FHOD1: variants seen among roughly 807,000 people sequenced by gnomAD.
FHOD1 encodes FH1/FH2 domain-containing protein 1.
Under a neutral mutation model 111.6 loss-of-function variants are expected in FHOD1, and 89 were observed. That is an observed-to-expected ratio of 0.80 (90% CI 0.67 to 0.95). The LOEUF is 0.95. Among genes scored for constraint, FHOD1 ranks in the 40% least tolerant of loss-of-function variants. The pLI is 0.00. For synonymous variants in FHOD1, 618 were observed against 639.0 expected, an observed-to-expected ratio of 0.97 and a Z score of 0.50; for missense variants, 1,446 against 1,554.2, an observed-to-expected ratio of 0.93 and a Z score of 1.17.
At position 67,247,009 on chromosome 16, in the gene FHOD1, T is replaced by C. The variant is rs575742997; in HGVS notation, c.201+201A>G. On this transcript the variant is annotated intron_variant, in intron 1 of 21. Transcript: ENST00000258201. ...AGTCAGAATGGCGGAGCCAAGTTCC[T>C]GGCACCCCTCTTCAGTTTCCCCTCA... 4.7e-5 allele frequency: 28 copies of C among 596,324 alleles called. No homozygotes were observed. The East Asian group carries it at 9.1e-4, about 19-fold the overall frequency. The allele number at this position is 596,324 out of a possible 1,614,324, so 36.9% of individuals were successfully genotyped here. A position where few individuals can be genotyped will look rare whatever the true frequency, so the allele number is the denominator to read the frequency against.
rs1479495823 is a variant in FHOD1 at position 67,234,285 on chromosome 16, G to A, written c.1436-18C>T. On this transcript the variant is annotated intron_variant, in intron 12 of 21. Coordinates refer to ENST00000258201, the MANE Select transcript of FHOD1 (RefSeq NM_013241.3). ...CCGGGCATCTAAAGAAAGGGAAGGA[G>A]CTGTCAGTGCCATGCCCCCTGTGGG... is the stretch of plus-strand genomic sequence containing the variant. 6.3e-7 allele frequency: 1 copy of A among 1,583,082 alleles called. No homozygotes were observed. Among genetic ancestry groups the A allele is most frequent in the Admixed American group, 1.7e-5 (1 of 57,236 alleles).
rs1567393190 is a variant in FHOD1, at chr16:67,238,520, ACT to A, written c.374-75_374-74del. ...CTTCCTCTGCTTGGATACAACCACA[ACT>A]CTCCACCAAAGAATAGTCTAATATA... On this transcript the variant is annotated intron_variant, in intron 3 of 21. Coordinates refer to ENST00000258201, the MANE Select transcript of FHOD1 (RefSeq NM_013241.3). This position sits in a 1 kb window ranked among gnomAD's most constrained non-coding sequence, Gnocchi z 4.2. The A allele has an allele frequency of 9.0e-6, 12 of 1,331,740 alleles. 1 individual carries two copies. The South Asian group carries it at 1.5e-4, about 16-fold the overall frequency. 82.5% of individuals were successfully genotyped at this position (1,331,740 alleles called of 1,614,324 possible). A position where few individuals can be genotyped will look rare whatever the true frequency, so the allele number is the denominator to read the frequency against.
chr16:67,232,486 T>C (rs2142267757), intron 13 of FHOD1, among the ~76,000 whole-genome samples: 1 of 129,798 alleles, frequency 7.7e-6, no homozygotes, highest in East Asian at 2.3e-4. Flanking sequence ...ACCATTGCAC[T>C]ACATCCTGGG....
At position 67,229,793 on chromosome 16, in the gene FHOD1, A is replaced by G. The variant is rs1453162539; in HGVS notation, c.3412T>C (p.Leu1138=). The G allele has an allele frequency of 1.2e-6, 2 of 1,614,180 alleles. No homozygotes were observed. The highest frequency in any genetic ancestry group is 2.2e-5 in the South Asian group (2 of 91,092). The stretch of plus-strand genomic sequence containing the variant: ...AGTGGGATTGTGGGGGGTTACTTAC[A>G]AGACTTGCGGTTGCCGCGGGAACGC... ...RKRSRGNRKS[L]RRTLKSGLGD... is the part of the protein sequence containing the mutation. Residue 1138 remains leucine, a splice_region_variant and synonymous_variant, in exon 21 of 22, where the codon TTG becomes CTG. Coordinates refer to ENST00000258201, the MANE Select transcript of FHOD1 (RefSeq NM_013241.3).
Position 67,229,663 on chromosome 16 carries a change from T to C in FHOD1, c.3468A>G (p.Leu1156=), listed in dbSNP as rs140881591. 2.8e-4 allele frequency: 450 copies of C among 1,614,068 alleles called. 1 individual carries two copies. Among genetic ancestry groups the C allele is most frequent in the Non-Finnish European group, 3.8e-4 (445 of 1,180,032 alleles). Residue 1156 remains leucine (L), a synonymous_variant, in exon 22 of 22, where the codon CTA becomes CTG. Transcript: ENST00000258201. ...ACACCTCCAGGCCAGGACCCTTGCT[T>C]AGTCCCAGTGCCTGCACCAGGTCAT... is the stretch of plus-strand genomic sequence containing the variant. ...LGDDLVQALG[L]SKGPGLEV is the part of the protein sequence containing the mutation.
chr16:67,244,081 T>C (rs1443152227), intron 1 of FHOD1, among the ~76,000 whole-genome samples: 1 of 152,150 alleles, frequency 6.6e-6, no homozygotes, highest in Non-Finnish European at 1.5e-5. Context: ...TACTCTGATT[T>C]TTAGCCACAG....
intron 1 of FHOD1, among the ~76,000 whole-genome samples, chr16:67,241,963 A>G (rs935933216): frequency 2.0e-5 from 3 of 151,840 alleles, no homozygotes; most frequent in Non-Finnish European, 4.4e-5. Flanking sequence ...TGAAGGTTAA[A>G]TAGTCCACCT....
Position 67,229,492 on chromosome 16 carries a change from G to A in FHOD1, c.*144C>T, listed in dbSNP as rs1042887562. 8 of 714,282 alleles carry A rather than the reference G, an allele frequency of 1.1e-5. No individual in the cohort carries two copies. The Admixed American group carries it at 1.8e-4, about 16-fold the overall frequency. 44.2% of individuals were successfully genotyped at this position (714,282 alleles called of 1,614,324 possible). On this transcript the variant is annotated 3_prime_UTR_variant, in exon 22 of 22. Coordinates refer to ENST00000258201, the MANE Select transcript of FHOD1 (RefSeq NM_013241.3). ...CACACACATACACACACACTCACATGCATACACACACGGCTAATACTGCTC... is the reference window on the plus strand; with the variant it reads ...CACACACATACACACACACTCACATACATACACACACGGCTAATACTGCTC...
intron 1 of FHOD1, among the ~76,000 whole-genome samples, chr16:67,241,505 G>A (rs533846997): frequency 1.3e-4 from 20 of 152,312 alleles, no homozygotes; most frequent in African/African-American, 4.8e-4. Context: ...CCCCCGTCAG[G>A]GATCCCCTCG....
At chr16:67,230,556 G>C (rs763319950) in intron 18 of FHOD1, 45 bp downstream of exon 18, 2 of 1,613,462 alleles carry the variant, frequency 1.2e-6, no homozygotes, top group Non-Finnish European at 1.7e-6. Context: ...TATTGTCTGA[G>C]GGAGGGTGGT....
At chr16:67,239,011 A>G (rs775659116) in intron 2 of FHOD1, 44 bp from the exon 3 acceptor site, 25 of 1,596,782 alleles carry the variant, frequency 1.6e-5, no homozygotes, top group East Asian at 2.2e-5. Flanking sequence ...CCTATCCCTC[A>G]GCATTCCTCC....
chr16:67,235,233 A>C (rs2034434084), intron 11 of FHOD1, among the ~76,000 whole-genome samples: 1 of 152,160 alleles, frequency 6.6e-6, no homozygotes, highest in Admixed American at 6.5e-5. Flanking sequence ...TGCCCAGGAA[A>C]GGGCCTGGTA....
Position 67,233,795 on chromosome 16 carries a change from C to T in FHOD1, c.1908G>A (p.Leu636=), listed in dbSNP as rs532896823. ...TVKLFWRELK[L]AGGHGVSASR... ...TTGCAGAGACTCCATGGCCCCCAGC[C>T]AGCTTCAGCTCACGCCAGAAAAGTT... Residue 636 remains leucine, a synonymous_variant, in exon 13 of 22, where the codon CTG becomes CTA. Transcript: ENST00000258201. 6 of 1,613,816 alleles carry T rather than the reference C, an allele frequency of 3.7e-6. No individual in the cohort carries two copies. In the South Asian group the frequency reaches 6.6e-5, roughly 18 times the overall value.
chr16:67,238,029 C>T lies in FHOD1; in HGVS notation c.642+5G>A. ...GGGTATAAGGCTGAGTGGAGAGCCA[C>T]TTACCAGGCTGGCACACAATGTGTA... On this transcript the variant is annotated splice_donor_5th_base_variant and intron_variant, in intron 6 of 21. Transcript: ENST00000258201. This position sits in a 1 kb window ranked among gnomAD's most constrained non-coding sequence, Gnocchi z 4.2. 1 of 1,613,758 alleles carries T rather than the reference C, an allele frequency of 6.2e-7. No individual in the cohort carries two copies. The highest frequency in any genetic ancestry group is 8.5e-7 in the Non-Finnish European group (1 of 1,179,766).
At position 67,234,468 on chromosome 16, in the gene FHOD1, G is replaced by C. The variant is rs904601743; in HGVS notation, c.1324C>G (p.Arg442Gly). ...TSSERSIYKARFLENVAAAET... is the reference protein window; with the variant it reads ...TSSERSIYKAGFLENVAAAET... ...GCTGCCGCCACATTCTCCAGGAACC[G>C]GGCTCTGAGGGAAGGTGCTTGTCAC... Residue 442 changes from arginine (R) to glycine (G), a missense_variant, in exon 12 of 22, where the codon CGG (arginine) becomes GGG (glycine). Transcript: ENST00000258201. 6.3e-7 allele frequency: 1 copy of C among 1,582,662 alleles called. No homozygotes were observed. The highest frequency in any genetic ancestry group is 1.3e-5 in the African/African-American group (1 of 74,110).
intron 2 of FHOD1, among the ~76,000 whole-genome samples, 161 bp downstream of exon 2, chr16:67,239,187 G>A (rs1022672495): frequency 1.3e-5 from 2 of 152,222 alleles, no homozygotes; most frequent in Non-Finnish European, 1.5e-5. Flanking sequence ...TGGGCAGCAG[G>A]TAACACTGGC....
At chr16:67,247,151 T>G in intron 1 of FHOD1, 59 bp downstream of exon 1, 1 of 1,453,658 alleles carries the variant, frequency 6.9e-7, no homozygotes, top group East Asian at 2.6e-5. Flanking sequence ...CTCCCACCAG[T>G]TTTCATGGCG....
chr16:67,234,721 A>C, intron 11 of FHOD1: 9 of 474,972 alleles, frequency 1.9e-5, no homozygotes, highest in Non-Finnish European at 2.6e-5. Flanking sequence ...TCTACTTAAC[A>C]TCTAACTTGC....
chr16:67,246,153 G>A (rs1470828919), intron 1 of FHOD1, among the ~76,000 whole-genome samples: 1 of 152,218 alleles, frequency 6.6e-6, no homozygotes, highest in Non-Finnish European at 1.5e-5. Context: ...TGGCCGCAGC[G>A]CGAGGAATGC....
Sources: allele counts gnomAD v4.1 joint callset (sites outside exome capture counted in the v4.1 genomes callset), GRCh38; gene constraint gnomAD v4.1.1; non-coding constraint Gnocchi (gnomAD v3.1); transcripts MANE v1.5; gene names NCBI Gene and HGNC (gene_info 2026-07-23, HGNC 2026-07-21).